The following U2SURP variants were observed in gnomAD, a reference collection of about 807,000 sequenced individuals.
The protein encoded by U2SURP is U2 snRNP-associated SURP motif-containing protein.
A neutral mutation model predicts 144.9 loss-of-function variants in U2SURP; 9 were observed. The observed-to-expected ratio is 0.06, with a 90% confidence interval of 0.04 to 0.11. The LOEUF (loss-of-function observed/expected upper bound fraction) is 0.11. Ranked by LOEUF, U2SURP falls within the 10% of genes least tolerant of loss-of-function variation. The pLI is 1.00. For missense variants in U2SURP, 724 were observed against 1,226.7 expected (o/e 0.59, Z 6.12); for synonymous variants, 408 against 396.8 (o/e 1.03, Z -0.33).
At chr3:143,039,740 G>A (rs1934003471) in intron 23 of U2SURP, among the ~76,000 whole-genome samples, 1 of 151,642 alleles carries the variant, frequency 6.6e-6, no homozygotes, top group South Asian at 2.1e-4. Flanking sequence ...GTGTGTCCTA[G>A]CACAATATGG....
chr3:143,046,116 C>T (rs1364049779), intron 24 of U2SURP, among the ~76,000 whole-genome samples: 1 of 151,882 alleles, frequency 6.6e-6, no homozygotes. Context: ...TGCATCCCCA[C>T]GTGTGTCCTA....
intron 16 of U2SURP, among the ~76,000 whole-genome samples, chr3:143,029,174 T>G (rs1243005396): frequency 1.3e-5 from 2 of 152,198 alleles, no homozygotes; most frequent in African/African-American, 4.8e-5. Flanking sequence ...ACTTATTAAA[T>G]GTTCAGAGGA....
At chr3:143,007,369 CA>C (rs1482798329) in intron 1 of U2SURP, among the ~76,000 whole-genome samples, 1 of 151,692 alleles carries the variant, frequency 6.6e-6, no homozygotes, top group Non-Finnish European at 1.5e-5. Context: ...GCAGTCGTCC[CA>C]CCTCAGCCTC....
intron 1 of U2SURP, among the ~76,000 whole-genome samples, chr3:143,007,585 G>A (rs1227540841): frequency 6.6e-6 from 1 of 151,868 alleles, no homozygotes; most frequent in East Asian, 1.9e-4. Flanking sequence ...GGGACTACAG[G>A]TGCCCGCCAC....
At position 143,028,466 on chromosome 3, in the gene U2SURP, C is replaced by G; in HGVS notation, c.1447-17C>G. ...CTGAGTAATTAGACCTTTATAATAA[C>G]TCTAAATGTTTGTTAGGGAGATTCT... On this transcript the variant is annotated splice_polypyrimidine_tract_variant and intron_variant, in intron 15 of 27. Transcript: ENST00000473835. The G allele has an allele frequency of 6.2e-7, 1 of 1,600,352 alleles. No individual in the cohort carries two copies. The highest frequency in any genetic ancestry group is 8.5e-7 in the Non-Finnish European group (1 of 1,176,376).
At chr3:143,008,472 A>G (rs1371783233) in intron 1 of U2SURP, among the ~76,000 whole-genome samples, 1 of 152,196 alleles carries the variant, frequency 6.6e-6, no homozygotes, top group Non-Finnish European at 1.5e-5. Context: ...CCTTGCAAAT[A>G]TTTCCCTTTG....
At chr3:143,008,518 T>C (rs913030340) in intron 1 of U2SURP, among the ~76,000 whole-genome samples, 11 of 152,268 alleles carry the variant, frequency 7.2e-5, no homozygotes, top group African/African-American at 2.7e-4. Context: ...GTATTAAATA[T>C]GTAAAGAAAT....
At chr3:143,003,915 C>T (rs1470905703) in intron 1 of U2SURP, among the ~76,000 whole-genome samples, 3 of 152,126 alleles carry the variant, frequency 2.0e-5, no homozygotes, top group Admixed American at 1.3e-4. Flanking sequence ...TGGTCTCGAT[C>T]TCTTGACCTC....
intron 1 of U2SURP, among the ~76,000 whole-genome samples, chr3:143,008,501 T>A (rs1935959513): frequency 1.3e-5 from 2 of 152,266 alleles, no homozygotes; most frequent in Admixed American, 1.3e-4. Flanking sequence ...AGCGGTTGAA[T>A]GAAATTGTAT....
At chr3:143,050,247 AT>A (rs1357658120) in intron 24 of U2SURP, among the ~76,000 whole-genome samples, 2 of 151,874 alleles carry the variant, frequency 1.3e-5, no homozygotes, top group East Asian at 3.9e-4. Context: ...CTAATTTTGT[AT>A]TTTTAGTAGA....
intron 1 of U2SURP, chr3:143,002,213 C>T (rs1451550375): frequency 1.1e-5 from 2 of 189,840 alleles, no homozygotes; most frequent in Admixed American, 6.2e-5. Context: ...GAGCAGCTCT[C>T]CTTTGCAGTG....
Position 143,021,384 on chromosome 3 carries a change from T to G in U2SURP, c.768T>G (p.Gly256=), listed in dbSNP as rs774235333. ...DAPSRRNRSS[G]VLDDYAPGSH... ...CTTCAAGAAGAAATAGATCATCTGG[T>G]GGTAATACAGTTTTTTGCTCTTTTA... The change falls in exon 9 of 28, where the codon GGT becomes GGG. Residue 256 remains glycine (G), a splice_region_variant and synonymous_variant. Coordinates refer to ENST00000473835, the MANE Select transcript of U2SURP (RefSeq NM_001080415.2). 1.9e-6 allele frequency: 3 copies of G among 1,603,906 alleles called. No homozygotes were observed. Among genetic ancestry groups the G allele is most frequent in the African/African-American group, 2.7e-5 (2 of 74,788 alleles).
At chr3:143,007,092 G>A (rs1485363446) in intron 1 of U2SURP, among the ~76,000 whole-genome samples, 4 of 152,090 alleles carry the variant, frequency 2.6e-5, no homozygotes, top group Non-Finnish European at 5.9e-5. Context: ...TAGTGTAGTT[G>A]GCTTCACTTT....
At position 143,058,661 on chromosome 3, in the gene U2SURP, A is replaced by G. The variant is rs1030622091; in HGVS notation, c.*2211A>G. On this transcript the variant is annotated 3_prime_UTR_variant, in exon 28 of 28. Transcript: ENST00000473835. The stretch of plus-strand genomic sequence containing the variant: ...ATTACCTAGAGTAAACCTACTTAAT[A>G]CTCCCATGGATTCTATGAAAGTTTA... 1 of 151,726 alleles carries G rather than the reference A, an allele frequency of 6.6e-6. No individual in the cohort carries two copies. Among genetic ancestry groups the G allele is most frequent in the African/African-American group, 2.4e-5 (1 of 41,370 alleles). 9.4% of individuals were successfully genotyped at this position (151,726 alleles called of 1,614,324 possible).
At chr3:143,050,325 G>T (rs1291675191) in intron 24 of U2SURP, among the ~76,000 whole-genome samples, 1 of 152,096 alleles carries the variant, frequency 6.6e-6, no homozygotes, top group South Asian at 2.1e-4. Flanking sequence ...CGCCCACCTC[G>T]GCCTCCCAAA....
At chr3:143,055,360 A>G (rs554650883) in intron 27 of U2SURP, among the ~76,000 whole-genome samples, 9 of 151,896 alleles carry the variant, frequency 5.9e-5, no homozygotes, top group Admixed American at 1.3e-4. Context: ...ATCATATCCA[A>G]TGTTTTCTGT....
intron 24 of U2SURP, among the ~76,000 whole-genome samples, chr3:143,047,451 A>AC (rs201510001): frequency 5.2e-4 from 13 of 25,102 alleles, no homozygotes; most frequent in African/African-American, 7.1e-4. Flanking sequence ...CGGGGGGCTG[A>AC]CCCCCCCACC....
intron 27 of U2SURP, among the ~76,000 whole-genome samples, chr3:143,056,065 G>A (rs532339824): frequency 1.3e-5 from 2 of 152,252 alleles, no homozygotes; most frequent in Non-Finnish European, 2.9e-5. Flanking sequence ...GTAGAGCAGT[G>A]ATAAGGCACA....
In U2SURP at chr3:143,057,885, A is replaced by C. The variant is rs560994687; in HGVS notation, c.*1435A>C. ...TGGAGAGTTCCTATATTAGCTGAGC[A>C]GTGAGATACACTATTTCCAAACGGT... On this transcript the variant is annotated 3_prime_UTR_variant, in exon 28 of 28. Coordinates refer to ENST00000473835, the MANE Select transcript of U2SURP (RefSeq NM_001080415.2). 6.6e-6 allele frequency: 1 copy of C among 152,038 alleles called. No homozygotes were observed. The highest frequency in any genetic ancestry group is 2.4e-5 in the African/African-American group (1 of 41,520). The allele number at this position is 152,038 out of a possible 1,614,324, so 9.4% of individuals were successfully genotyped here. A position where few individuals can be genotyped will look rare whatever the true frequency, so the allele number is the denominator to read the frequency against.
Sources: allele counts gnomAD v4.1 joint callset (sites outside exome capture counted in the v4.1 genomes callset), GRCh38; gene constraint gnomAD v4.1.1; transcripts MANE v1.5; gene names NCBI Gene and HGNC (gene_info 2026-07-23, HGNC 2026-07-21).